Variants in ATG10 observed in about 807,000 individuals in gnomAD.
The protein encoded by ATG10 is autophagy related 10.
A neutral mutation model predicts 32.1 loss-of-function variants in ATG10; 30 were observed. That is an observed-to-expected ratio of 0.94 (90% CI 0.70 to 1.27). The LOEUF is 1.27. Ranked by LOEUF, ATG10 falls within the 50% of genes most tolerant of loss-of-function variation. The pLI, the probability that ATG10 is intolerant of heterozygous loss-of-function variation, is 0.00. For synonymous variants in ATG10, 87 were observed against 91.5 expected (o/e 0.95, Z 0.28); for missense variants, 233 against 262.3 (o/e 0.89, Z 0.77).
At chr5:81,994,165 C>T (rs2149676443) in intron 2 of ATG10, among the ~76,000 whole-genome samples, 1 of 152,222 alleles carries the variant, frequency 6.6e-6, no homozygotes, top group African/African-American at 2.4e-5. Context: ...GTAGAAGTCC[C>T]ATTTTCTATA....
At chr5:82,014,922 T>C (rs1406728324) in intron 2 of ATG10, among the ~76,000 whole-genome samples, 4 of 152,258 alleles carry the variant, frequency 2.6e-5, no homozygotes, top group African/African-American at 7.2e-5. Flanking sequence ...CTTCCTAGCC[T>C]TGACGGTCTT....
chr5:82,118,382 A>G (rs1765901946), intron 3 of ATG10, among the ~76,000 whole-genome samples: 1 of 75,296 alleles, frequency 1.3e-5, no homozygotes, highest in South Asian at 6.0e-4. Flanking sequence ...CATATAATAT[A>G]TGTACATATA....
chr5:82,003,855 A>G (rs1761916761), intron 2 of ATG10, among the ~76,000 whole-genome samples: 1 of 152,212 alleles, frequency 6.6e-6, no homozygotes, highest in South Asian at 2.1e-4. Context: ...AAAGGATAGT[A>G]GAGGCTGGGA....
chr5:82,112,569 C>T (rs574363163), intron 3 of ATG10, among the ~76,000 whole-genome samples: 1 of 151,500 alleles, frequency 6.6e-6, no homozygotes, highest in African/African-American at 2.4e-5. Context: ...ACTTTAAGAC[C>T]CTGATTCCTA....
At chr5:82,127,976 G>A (rs1229948309) in intron 3 of ATG10, among the ~76,000 whole-genome samples, 3 of 151,968 alleles carry the variant, frequency 2.0e-5, no homozygotes, top group Non-Finnish European at 4.4e-5. Context: ...TGTATTGGGT[G>A]CATATATATT....
chr5:82,199,133 G>T (rs1262382566), intron 5 of ATG10, among the ~76,000 whole-genome samples: 1 of 152,150 alleles, frequency 6.6e-6, no homozygotes, highest in Non-Finnish European at 1.5e-5. Context: ...GATTTCTGCT[G>T]TTATTAAAAG....
chr5:82,095,229 G>A (rs991768976), intron 3 of ATG10, among the ~76,000 whole-genome samples: 1 of 152,136 alleles, frequency 6.6e-6, no homozygotes, highest in Admixed American at 6.6e-5. Flanking sequence ...TGGGAAGCTG[G>A]ATCTGAGTCT....
chr5:82,051,300 A>G (rs1763413110), intron 2 of ATG10, among the ~76,000 whole-genome samples: 2 of 152,178 alleles, frequency 1.3e-5, no homozygotes, highest in African/African-American at 2.4e-5. Context: ...CTTTCCCAGA[A>G]GGACAGGCTC....
intron 2 of ATG10, among the ~76,000 whole-genome samples, chr5:82,000,984 A>G (rs1390052247): frequency 6.6e-6 from 1 of 152,156 alleles, no homozygotes; most frequent in African/African-American, 2.4e-5. Flanking sequence ...CTATGCACCA[A>G]CAATATCCAA....
chr5:82,219,964 T>C (rs1273551556), intron 5 of ATG10, among the ~76,000 whole-genome samples: 4 of 152,186 alleles, frequency 2.6e-5, no homozygotes, highest in Non-Finnish European at 5.9e-5. Flanking sequence ...GGTGGGGAGA[T>C]GGCTGTGCAA....
At chr5:82,191,035 C>G (rs541068892) in intron 5 of ATG10, among the ~76,000 whole-genome samples, 1 of 152,210 alleles carries the variant, frequency 6.6e-6, no homozygotes, top group South Asian at 2.1e-4. Context: ...CCATATCAAT[C>G]TCAGAAAAGA....
At chr5:82,007,584 C>T (rs1762019180) in intron 2 of ATG10, among the ~76,000 whole-genome samples, 1 of 152,090 alleles carries the variant, frequency 6.6e-6, no homozygotes, top group Non-Finnish European at 1.5e-5. Flanking sequence ...GCCTGTGTAG[C>T]TGGGACTATA....
chr5:81,990,308 T>G (rs1320382862), intron 2 of ATG10, among the ~76,000 whole-genome samples: 1 of 152,262 alleles, frequency 6.6e-6, no homozygotes, highest in Non-Finnish European at 1.5e-5. Flanking sequence ...TTGGGGACTT[T>G]GCCTTTTCAC....
intron 5 of ATG10, among the ~76,000 whole-genome samples, chr5:82,245,270 C>T (rs922271923): frequency 5.9e-5 from 9 of 152,248 alleles, no homozygotes; most frequent in African/African-American, 1.9e-4. Flanking sequence ...GAAGGAAAAA[C>T]GGTAGAAAAT....
Position 82,253,417 on chromosome 5 carries a change from G to C in ATG10, c.655G>C (p.Val219Leu). 6.3e-7 allele frequency: 1 copy of C among 1,582,204 alleles called. No homozygotes were observed. The highest frequency in any genetic ancestry group is 1.1e-5 in the South Asian group (1 of 90,192). Residue 219 changes from valine (V) to leucine (L), a missense_variant, in exon 7 of 8, where the codon GTC (valine) becomes CTC (leucine). Physicochemically the swap from Val to Leu is conservative, Grantham distance 32. Transcript: ENST00000282185. Reference sequence around the variant, plus strand: ...AGCAACGTCTCAGGATGAACGAAATGTCCCTTAACAAGGTAAAAGAAAAGC... The same window carrying C: ...AGCAACGTCTCAGGATGAACGAAATCTCCCTTAACAAGGTAAAAGAAAAGC... ...AKATSQDERNVP is the reference protein window; with the variant it reads ...AKATSQDERNLP
intron 3 of ATG10, among the ~76,000 whole-genome samples, chr5:82,159,141 C>T (rs544147208): frequency 5.9e-5 from 9 of 152,232 alleles, no homozygotes; most frequent in East Asian, 5.8e-4. Context: ...GATACCACAA[C>T]AGTAGATCTG....
chr5:81,982,055 T>G (rs1761063203), intron 1 of ATG10, among the ~76,000 whole-genome samples: 1 of 152,228 alleles, frequency 6.6e-6, no homozygotes, highest in Non-Finnish European at 1.5e-5. Context: ...CAATCTTTAG[T>G]CTCTGCTAAA....
intron 5 of ATG10, among the ~76,000 whole-genome samples, chr5:82,231,512 A>G (rs1746367674): frequency 2.6e-5 from 4 of 152,212 alleles, no homozygotes; most frequent in Admixed American, 2.0e-4. Context: ...TGATTTCTCA[A>G]TACGGCAGCC....
intron 5 of ATG10, among the ~76,000 whole-genome samples, chr5:82,181,830 T>C (rs1467414668): frequency 2.0e-5 from 3 of 152,174 alleles, no homozygotes; most frequent in African/African-American, 7.2e-5. Flanking sequence ...GTCTTGATGA[T>C]AAGGACCTAT....
Sources: allele counts gnomAD v4.1 joint callset (sites outside exome capture counted in the v4.1 genomes callset), GRCh38; gene constraint gnomAD v4.1.1; transcripts MANE v1.5; gene names NCBI Gene and HGNC (gene_info 2026-07-23, HGNC 2026-07-21).